Variants in FGF12 observed in about 807,000 individuals in gnomAD.
FGF12 encodes fibroblast growth factor 12B.
FGF12 carries 14 observed loss-of-function variants against 23.6 expected under a neutral mutation model. The observed-to-expected ratio is 0.59, with a 90% confidence interval of 0.39 to 0.93. FGF12 has a LOEUF of 0.93. Among genes scored for constraint, FGF12 ranks in the 40% least tolerant of loss-of-function variants. The pLI is 0.00. For synonymous variants in FGF12, 62 were observed against 77.3 expected (o/e 0.80, Z 1.04); for missense variants, 175 against 217.8 (o/e 0.80, Z 1.24).
rs538747338 is a variant in FGF12 at position 192,440,904 on chromosome 3, T to C, written c.14-80366A>G. Among the ~76,000 whole-genome samples, 9 of 152,342 alleles carry C rather than the reference T, an allele frequency of 5.9e-5. No homozygotes were observed. In the East Asian group the frequency reaches 1.5e-3, roughly 26 times the overall value. ...AGTTTTACTTACATTTTAAAGGATA[T>C]AGAATTTCTCTCCAAGTTGAGTGCA... On this transcript the variant is annotated intron_variant, in intron 2 of 5. Coordinates refer to ENST00000445105, the MANE Select transcript of FGF12 (RefSeq NM_004113.6).
rs182496423 is a variant in FGF12, at chr3:192,501,343, T to G, written c.14-140805A>C. Among the ~76,000 whole-genome samples, 3 of 152,334 alleles carry G rather than the reference T, an allele frequency of 2.0e-5. No homozygotes were observed. In the East Asian group the frequency reaches 5.8e-4, roughly 29 times the overall value. ...GTCAGCAAATTTGTTCATTCTAAGT[T>G]TTAGGTGTATTGGTGTTTGTTACCA... On this transcript the variant is annotated intron_variant, in intron 2 of 5. Transcript: ENST00000445105.
At chr3:192,217,136 G>T (rs1464701497) in intron 4 of FGF12, among the ~76,000 whole-genome samples, 2 of 152,122 alleles carry the variant, frequency 1.3e-5, no homozygotes, top group Non-Finnish European at 2.9e-5. Flanking sequence ...CTGGCACTGT[G>T]CAAGTCAATT....
At chr3:192,335,748 T>C (rs1464541617) in intron 3 of FGF12, among the ~76,000 whole-genome samples, 1 of 152,048 alleles carries the variant, frequency 6.6e-6, no homozygotes, top group African/African-American at 2.4e-5. Context: ...GGATCCCTGA[T>C]CCTTAAAATG....
intron 4 of FGF12, among the ~76,000 whole-genome samples, chr3:192,277,432 GAGACACAGTAA>G (rs1478834549): frequency 7.2e-5 from 11 of 152,186 alleles, no homozygotes; most frequent in Admixed American, 7.2e-4. Flanking sequence ...GCAAAACCAA[GAGACACAGTAA>G]AGACGGTTTT....
chr3:192,457,429 A>C (rs1027141203), intron 2 of FGF12, among the ~76,000 whole-genome samples: 1 of 152,200 alleles, frequency 6.6e-6, no homozygotes, highest in Non-Finnish European at 1.5e-5. Flanking sequence ...TGATATGAAC[A>C]ATAAGGTCCA....
At chr3:192,164,164 G>A (rs894976035) in intron 5 of FGF12, among the ~76,000 whole-genome samples, 1 of 152,054 alleles carries the variant, frequency 6.6e-6, no homozygotes, top group African/African-American at 2.4e-5. Context: ...AAGAGTATTT[G>A]ACTGCTATAT....
intron 2 of FGF12, among the ~76,000 whole-genome samples, chr3:192,399,505 G>T (rs1720669071): frequency 6.6e-6 from 1 of 152,226 alleles, no homozygotes; most frequent in South Asian, 2.1e-4. Context: ...TGAGACAGAA[G>T]AGATCATCAT....
At chr3:192,518,494 A>G (rs1284964558) in intron 2 of FGF12, among the ~76,000 whole-genome samples, 3 of 152,212 alleles carry the variant, frequency 2.0e-5, no homozygotes, top group African/African-American at 7.2e-5. Context: ...CACTCTTGGC[A>G]TCAGCTGTGC....
intron 4 of FGF12, among the ~76,000 whole-genome samples, chr3:192,177,884 T>C (rs1017198704): frequency 6.6e-6 from 1 of 152,232 alleles, no homozygotes; most frequent in Admixed American, 6.5e-5. Flanking sequence ...TCTAACCCTT[T>C]ACCTTGCTTT....
intron 2 of FGF12, among the ~76,000 whole-genome samples, chr3:192,461,735 T>C (rs1407596626): frequency 6.6e-6 from 1 of 152,158 alleles, no homozygotes; most frequent in Non-Finnish European, 1.5e-5. Context: ...ATACCTGTAA[T>C]CCCAGCACTT....
chr3:192,650,455 G>A (rs1716174977), intron 2 of FGF12, among the ~76,000 whole-genome samples: 1 of 152,098 alleles, frequency 6.6e-6, no homozygotes, highest in Non-Finnish European at 1.5e-5. Flanking sequence ...CTGAAAGACA[G>A]TTCCCATCTG....
intron 2 of FGF12, among the ~76,000 whole-genome samples, chr3:192,368,721 T>G (rs1170519419): frequency 6.6e-6 from 1 of 152,164 alleles, no homozygotes; most frequent in African/African-American, 2.4e-5. Flanking sequence ...AGCATGACCA[T>G]GCCCATTCAC....
rs1560200879 is a variant in FGF12 at position 192,229,176 on chromosome 3, A to AAG, written c.229-58521_229-58520insCT. Among the ~76,000 whole-genome samples, 1,288 of 152,092 alleles carry AAG rather than the reference A, an allele frequency of 8.5e-3. 18 individuals are homozygous for AAG. Among genetic ancestry groups the AAG allele is most frequent in the African/African-American group, 0.03 (1,243 of 41,504 alleles). On this transcript the variant is annotated intron_variant, in intron 4 of 5. Transcript: ENST00000445105. ...TAAGTGAATAAAATTTTAAAAAAAA[A>AAG]AACCTGAGTTCTTGGAGGGCTATGC...
chr3:192,613,093 CTGTTTTT>C (rs1317637817), intron 2 of FGF12, among the ~76,000 whole-genome samples: 1 of 151,472 alleles, frequency 6.6e-6, no homozygotes, highest in Non-Finnish European at 1.5e-5. Flanking sequence ...TTTTTCTGAT[CTGTTTTT>C]TGTTTTGTTT....
At chr3:192,532,747 C>T (rs950761270) in intron 2 of FGF12, among the ~76,000 whole-genome samples, 34 of 152,136 alleles carry the variant, frequency 2.2e-4, no homozygotes, top group African/African-American at 7.7e-4. Flanking sequence ...CTGGAATTTG[C>T]CTTCAGGTAT....
intron 4 of FGF12, among the ~76,000 whole-genome samples, chr3:192,250,123 G>A (rs1711909133): frequency 1.3e-5 from 2 of 152,054 alleles, no homozygotes; most frequent in African/African-American, 2.4e-5. Flanking sequence ...CTAAAACATT[G>A]AGAATTCAAA....
chr3:192,427,413 T>C (rs183516972), intron 2 of FGF12, among the ~76,000 whole-genome samples: 5 of 148,750 alleles, frequency 3.4e-5, no homozygotes, highest in Admixed American at 6.7e-5. Flanking sequence ...AGTAGAAGAG[T>C]GTAAGTTGTT....
In FGF12 at chr3:192,514,330, C is replaced by T. The variant is rs944178586; in HGVS notation, c.14-153792G>A. Among the ~76,000 whole-genome samples, 1 of 152,270 alleles carries T rather than the reference C, an allele frequency of 6.6e-6. No homozygotes were observed. The highest frequency in any genetic ancestry group is 2.4e-5 in the African/African-American group (1 of 41,478). On this transcript the variant is annotated intron_variant, in intron 2 of 5. Transcript: ENST00000445105. This position sits in a 1 kb window ranked among gnomAD's most constrained non-coding sequence, Gnocchi z 4.9. Reference sequence around the variant, plus strand: ...ACACTGAACAACTCCAAGTCGCGCGCCGCCCTCGCAAATCGCAGAGAGGGC... The same window carrying T: ...ACACTGAACAACTCCAAGTCGCGCGTCGCCCTCGCAAATCGCAGAGAGGGC...
chr3:192,220,343 T>G (rs530835016), intron 4 of FGF12, among the ~76,000 whole-genome samples: 39 of 152,176 alleles, frequency 2.6e-4, no homozygotes, highest in Admixed American at 1.1e-3. Context: ...AACTTTAAAC[T>G]CTAAATAATT....
Sources: allele counts gnomAD v4.1 joint callset (sites outside exome capture counted in the v4.1 genomes callset), GRCh38; gene constraint gnomAD v4.1.1; non-coding constraint Gnocchi (gnomAD v3.1); transcripts MANE v1.5; gene names NCBI Gene and HGNC (gene_info 2026-07-23, HGNC 2026-07-21).